Variants in NLGN1 observed in about 807,000 individuals in gnomAD.
NLGN1 encodes neuroligin 1.
In NLGN1, 12 loss-of-function variants were observed where a neutral mutation model predicts 65.5. That is an observed-to-expected ratio of 0.18 (90% CI 0.12 to 0.30). NLGN1 has a LOEUF of 0.30. Among genes scored for constraint, NLGN1 ranks in the 10% least tolerant of loss-of-function variants. NLGN1 has a pLI of 1.00. For missense variants in NLGN1, 750 were observed against 1,007.1 expected, an observed-to-expected ratio of 0.74 and a Z score of 3.46; for synonymous variants, 350 against 359.5, an observed-to-expected ratio of 0.97 and a Z score of 0.30.
intron 2 of NLGN1, among the ~76,000 whole-genome samples, chr3:173,572,190 G>C (rs1298855603): frequency 1.3e-5 from 2 of 152,162 alleles, no homozygotes; most frequent in Non-Finnish European, 2.9e-5. Context: ...GTGATAATTT[G>C]AAAGTGTGAC....
At chr3:173,485,697 T>G (rs1728064083) in intron 2 of NLGN1, among the ~76,000 whole-genome samples, 1 of 152,232 alleles carries the variant, frequency 6.6e-6, no homozygotes. Context: ...AAAATAGTTA[T>G]TAGAAATGAC....
intron 4 of NLGN1, among the ~76,000 whole-genome samples, chr3:173,986,309 A>G (rs934813117): frequency 6.6e-6 from 1 of 152,054 alleles, no homozygotes; most frequent in African/African-American, 2.4e-5. Flanking sequence ...TCTACTAGAA[A>G]TACAAAAATT....
At chr3:174,197,518 C>CAAAAAAAAAAAAAAA (rs10663769) in intron 4 of NLGN1, among the ~76,000 whole-genome samples, 8 of 100,398 alleles carry the variant, frequency 8.0e-5, no homozygotes, top group African/African-American at 2.5e-4. Context: ...TACTTAACCT[C>CAAAAAAAAAAAAAAA]AAAAAAAAAA....
intron 4 of NLGN1, among the ~76,000 whole-genome samples, chr3:173,999,045 C>G (rs1002159452): frequency 3.3e-5 from 5 of 152,202 alleles, no homozygotes; most frequent in Non-Finnish European, 5.9e-5. Context: ...CAATAATCTT[C>G]AGGCATAGAG....
At chr3:173,397,598 T>G (rs999700266), upstream of NLGN1, among the ~76,000 whole-genome samples, 1 of 151,964 alleles carries the variant, frequency 6.6e-6, no homozygotes, top group Non-Finnish European at 1.5e-5. Flanking sequence ...TCTTCTTTCT[T>G]CTTGGCCTCA....
chr3:173,520,822 T>C (rs12491887), intron 2 of NLGN1, among the ~76,000 whole-genome samples: 59,945 of 152,130 alleles, frequency 0.39, 13,404 homozygotes, highest in East Asian at 0.82. Context: ...AGCATATTTT[T>C]AGAGAGCTAC....
At chr3:173,451,069 G>C (rs1435698268) in intron 2 of NLGN1, among the ~76,000 whole-genome samples, 1 of 152,178 alleles carries the variant, frequency 6.6e-6, no homozygotes, top group African/African-American at 2.4e-5. Flanking sequence ...ACTCGTCAAA[G>C]TCATTCTCCG....
intron 2 of NLGN1, among the ~76,000 whole-genome samples, chr3:173,542,875 A>T (rs1350706807): frequency 6.6e-6 from 1 of 152,092 alleles, no homozygotes; most frequent in Non-Finnish European, 1.5e-5. Flanking sequence ...TAACTATAGA[A>T]CGTATCCTTT....
exon 7 of NLGN1, chr3:174,283,031 C>G (rs1182321229): frequency 1.3e-5 from 2 of 151,706 alleles, no homozygotes; most frequent in African/African-American, 4.8e-5. Flanking sequence ...TAAAGATAAT[C>G]TGGATAATGA....
intron 2 of NLGN1, among the ~76,000 whole-genome samples, chr3:173,549,627 A>C (rs951783807): frequency 1.3e-5 from 2 of 152,058 alleles, no homozygotes; most frequent in South Asian, 4.1e-4. Context: ...TATTAGATTA[A>C]TTTATTTACA....
Position 173,502,065 on chromosome 3 carries a change from CTT to C in NLGN1, c.-321+66988_-321+66989del, listed in dbSNP as rs2149061868. ...ACCTAGACTTTGAGGTTGCTAAACA[CTT>C]ATGACTCTGTATGTTAAGTCACACT... On this transcript the variant is annotated intron_variant, in intron 2 of 6. Coordinates refer to ENST00000457714, the Ensembl canonical transcript of NLGN1. Among the ~76,000 whole-genome samples the C allele has an allele frequency of 2.0e-5, 3 of 152,178 alleles. No homozygotes were observed. The South Asian group carries it at 6.2e-4, about 32-fold the overall frequency.
chr3:174,011,054 T>TAGCC (rs1725448629), intron 4 of NLGN1, among the ~76,000 whole-genome samples: 1 of 152,160 alleles, frequency 6.6e-6, no homozygotes, highest in Non-Finnish European at 1.5e-5. Flanking sequence ...TACGTATGAA[T>TAGCC]AGCCCCCTCA....
chr3:173,658,268 T>C (rs563964686), intron 3 of NLGN1, among the ~76,000 whole-genome samples: 1 of 152,104 alleles, frequency 6.6e-6, no homozygotes, highest in African/African-American at 2.4e-5. Context: ...CTACCAGGTA[T>C]GTGATTAGGA....
At chr3:173,602,446 A>C (rs1331036190) in intron 2 of NLGN1, among the ~76,000 whole-genome samples, 1 of 152,032 alleles carries the variant, frequency 6.6e-6, no homozygotes, top group East Asian at 1.9e-4. Context: ...CAGGAGCTAA[A>C]CATCATTCAA....
chr3:173,439,137 G>A lies in NLGN1; in HGVS notation c.-321+4059G>A, dbSNP rs1718682946. Among the ~76,000 whole-genome samples the A allele has an allele frequency of 2.6e-5, 4 of 152,116 alleles. No homozygotes were observed. The South Asian group carries it at 6.2e-4, about 24-fold the overall frequency. On this transcript the variant is annotated intron_variant, in intron 2 of 6. Transcript: ENST00000457714. ...GCTGTTGAAGTCTGTTTAATGCTTA[G>A]GCAACAAAGTTTGTTTGCACAAGGG...
intron 3 of NLGN1, among the ~76,000 whole-genome samples, chr3:173,709,788 A>G (rs1259652829): frequency 3.0e-5 from 4 of 135,564 alleles, no homozygotes; most frequent in East Asian, 4.3e-4. Flanking sequence ...GGGCAACGAG[A>G]GCGAAACTCT....
intron 2 of NLGN1, among the ~76,000 whole-genome samples, chr3:173,465,775 A>G (rs946219032): frequency 1.6e-4 from 25 of 152,224 alleles, no homozygotes; most frequent in African/African-American, 5.5e-4. Flanking sequence ...AATATGGTAG[A>G]ACATGCAGTT....
At chr3:173,454,307 C>T (rs533826593) in intron 2 of NLGN1, among the ~76,000 whole-genome samples, 1 of 152,306 alleles carries the variant, frequency 6.6e-6, no homozygotes, top group South Asian at 2.1e-4. Context: ...TAAATGATCA[C>T]TGGTTTCAAC....
chr3:173,862,527 A>AG (rs1729345992), intron 4 of NLGN1, among the ~76,000 whole-genome samples: 1 of 148,648 alleles, frequency 6.7e-6, no homozygotes, highest in African/African-American at 2.5e-5. Context: ...AAAAAAAAAA[A>AG]AAAGAAAATG....
Sources: gnomAD v4.1 joint callset for allele counts (sites outside exome capture counted in the v4.1 genomes callset) on GRCh38, gnomAD v4.1.1 for gene constraint, MANE v1.5 for transcripts, NCBI Gene and HGNC (gene_info 2026-07-23, HGNC 2026-07-21) for gene names.